The following TXNDC15 variants were observed in gnomAD, a reference collection of about 807,000 sequenced individuals.
TXNDC15 encodes the protein thioredoxin domain containing 15.
Under a neutral mutation model 35.0 loss-of-function variants are expected in TXNDC15, and 24 were observed. The ratio of observed to expected loss-of-function variants is 0.68; its 90% CI spans 0.50 to 0.96. The LOEUF is 0.96. Among genes scored for constraint, TXNDC15 ranks in the 40% least tolerant of loss-of-function variants. TXNDC15 has a pLI of 0.00. For synonymous variants in TXNDC15, 169 were observed against 174.0 expected (o/e 0.97, Z 0.23); for missense variants, 385 against 453.3 (o/e 0.85, Z 1.37).
At chr5:134,894,122 CCTT>C (rs1750442275) in intron 3 of TXNDC15, among the ~76,000 whole-genome samples, 1 of 151,988 alleles carries the variant, frequency 6.6e-6, no homozygotes, top group Admixed American at 6.6e-5. Context: ...TTCCCTCTTT[CCTT>C]CTTTCTTTCC....
chr5:134,874,545 G>T lies in TXNDC15; in HGVS notation c.103+15G>T. 1 of 1,590,120 alleles carries T rather than the reference G, an allele frequency of 6.3e-7. No individual in the cohort carries two copies. ...CGGCGTGGAGGGTGAGTGTGGGCCG[G>T]GGGCGGTGCATGAGATGATGGGGCG... On this transcript the variant is annotated intron_variant, in intron 1 of 4. Coordinates refer to ENST00000358387, the MANE Select transcript of TXNDC15 (RefSeq NM_024715.4).
At chr5:134,876,737 T>G (rs1750041740) in intron 1 of TXNDC15, among the ~76,000 whole-genome samples, 1 of 151,240 alleles carries the variant, frequency 6.6e-6, no homozygotes, top group Admixed American at 6.6e-5. Context: ...GAGGTGTTTT[T>G]TTTTTTTTTT....
chr5:134,887,857 A>G lies in TXNDC15; in HGVS notation c.266A>G (p.Asp89Gly). The change falls in exon 2 of 5, where the codon GAT becomes GGT. Residue 89 changes from aspartate (D) to glycine (G), a missense_variant. Transcript: ENST00000358387. Reference protein sequence around the residue: ...NAVLGLDTQGDHMVMLSVIPG... With the variant: ...NAVLGLDTQGGHMVMLSVIPG... ...GTGCTGGGGCTGGACACCCAAGGCG[A>G]TCACATGGTGATGCTGTCTGTGATT... The G allele has an allele frequency of 6.2e-7, 1 of 1,614,216 alleles. No homozygotes were observed. Among genetic ancestry groups the G allele is most frequent in the Non-Finnish European group, 8.5e-7 (1 of 1,180,040 alleles).
intron 4 of TXNDC15, among the ~76,000 whole-genome samples, chr5:134,898,390 T>C (rs1320274957): frequency 1.3e-5 from 2 of 152,228 alleles, no homozygotes; most frequent in African/African-American, 4.8e-5. Context: ...TTGAAAAAAT[T>C]ACCTCCATTG....
At chr5:134,879,291 T>C (rs1750096189) in intron 1 of TXNDC15, among the ~76,000 whole-genome samples, 1 of 152,264 alleles carries the variant, frequency 6.6e-6, no homozygotes, top group South Asian at 2.1e-4. Context: ...TATCTGAGGG[T>C]CATCAGAGAG....
chr5:134,883,622 AG>A (rs1304032744), intron 1 of TXNDC15, among the ~76,000 whole-genome samples: 1 of 149,176 alleles, frequency 6.7e-6, no homozygotes, highest in Admixed American at 6.7e-5. Context: ...GAAAAGAAAA[AG>A]GCTAGGCCTG....
intron 2 of TXNDC15, 125 bp from the exon 3 acceptor site, chr5:134,893,367 C>G (rs2150189512): frequency 8.7e-7 from 1 of 1,144,300 alleles, no homozygotes; most frequent in South Asian, 1.5e-5. Flanking sequence ...CCGAGGGTTC[C>G]TTCTCTCGCT....
chr5:134,893,783 G>A (rs1181757587), intron 3 of TXNDC15, 128 bp downstream of exon 3: 4 of 1,236,640 alleles, frequency 3.2e-6, no homozygotes, highest in Non-Finnish European at 4.6e-6. Flanking sequence ...TGGAAGGCAA[G>A]GCAAGAGTGA....
At position 134,888,086 on chromosome 5, in the gene TXNDC15, T is replaced by C. The variant is rs1031381250; in HGVS notation, c.495T>C (p.Asn165=). Residue 165 remains asparagine, a synonymous_variant, in exon 2 of 5, where the codon AAT becomes AAC. Transcript: ENST00000358387. The part of the protein sequence containing the change: ...ESDAAPTEDS[N]NTESLKSPKV... ...ACGCAGCCCCGACAGAGGACTCCAATAACACTGAAAGTCTGAAATCCCCAA... is the reference window on the plus strand; with the variant it reads ...ACGCAGCCCCGACAGAGGACTCCAACAACACTGAAAGTCTGAAATCCCCAA... The C allele has an allele frequency of 6.2e-7, 1 of 1,614,156 alleles. No homozygotes were observed. The highest frequency in any genetic ancestry group is 8.5e-7 in the Non-Finnish European group (1 of 1,180,028).
At chr5:134,875,786 C>G (rs1460706321) in intron 1 of TXNDC15, among the ~76,000 whole-genome samples, 1 of 152,144 alleles carries the variant, frequency 6.6e-6, no homozygotes, top group African/African-American at 2.4e-5. Context: ...TCTCGTGCCT[C>G]AGCCTCCTGA....
chr5:134,874,560 A>G lies in TXNDC15; in HGVS notation c.103+30A>G, dbSNP rs112311197. On this transcript the variant is annotated intron_variant, in intron 1 of 4. Transcript: ENST00000358387. ...GTGTGGGCCGGGGGCGGTGCATGAG[A>G]TGATGGGGCGAGCTGAGGTCCACCC... 4.9e-4 allele frequency: 767 copies of G among 1,556,628 alleles called. 3 individuals are homozygous for G. The African/African-American group carries it at 9.1e-3, about 19-fold the overall frequency.
chr5:134,891,367 T>A (rs915128701), intron 2 of TXNDC15, among the ~76,000 whole-genome samples: 7 of 152,230 alleles, frequency 4.6e-5, no homozygotes, highest in African/African-American at 1.7e-4. Context: ...GATGCTGTGT[T>A]AGCAGGCCTG....
At chr5:134,880,440 A>AT (rs113856964) in intron 1 of TXNDC15, among the ~76,000 whole-genome samples, 7,930 of 142,400 alleles carry the variant, frequency 0.056, 453 homozygotes, top group African/African-American at 0.15. Flanking sequence ...TTCACTTATT[A>AT]TTTTTTTTTT....
intron 1 of TXNDC15, among the ~76,000 whole-genome samples, chr5:134,886,656 G>A (rs1750281256): frequency 6.6e-6 from 1 of 152,266 alleles, no homozygotes; most frequent in Non-Finnish European, 1.5e-5. Flanking sequence ...AGCAGCCCAA[G>A]GGTGGCAGGC....
At chr5:134,882,050 G>A (rs1320640036) in intron 1 of TXNDC15, among the ~76,000 whole-genome samples, 7 of 151,348 alleles carry the variant, frequency 4.6e-5, no homozygotes, top group South Asian at 2.1e-4. Flanking sequence ...CTTCTCAGAC[G>A]GGGTGGCTGC....
intron 4 of TXNDC15, among the ~76,000 whole-genome samples, chr5:134,897,671 T>A (rs1008311719): frequency 7.9e-5 from 12 of 152,214 alleles, no homozygotes; most frequent in African/African-American, 2.9e-4. Context: ...AAGTCATGAG[T>A]GTACAGGGTG....
intron 1 of TXNDC15, among the ~76,000 whole-genome samples, chr5:134,885,378 C>T (rs1750256032): frequency 6.6e-6 from 1 of 152,242 alleles, no homozygotes; most frequent in African/African-American, 2.4e-5. Context: ...ATACTCTACT[C>T]AATACCCTGT....
chr5:134,896,633 T>C (rs917913880), intron 4 of TXNDC15, among the ~76,000 whole-genome samples: 1 of 151,520 alleles, frequency 6.6e-6, no homozygotes, highest in Non-Finnish European at 1.5e-5. Flanking sequence ...TTAATTATTA[T>C]AGATACTTTT....
At chr5:134,881,171 TTTTATTTA>T (rs55798762) in intron 1 of TXNDC15, among the ~76,000 whole-genome samples, 23 of 124,308 alleles carry the variant, frequency 1.9e-4, no homozygotes, top group South Asian at 7.8e-4. Context: ...GATAGGTTCT[TTTTATTTA>T]TTTATTTATT....
Sources: allele counts gnomAD v4.1 joint callset (sites outside exome capture counted in the v4.1 genomes callset), GRCh38; gene constraint gnomAD v4.1.1; transcripts MANE v1.5; gene names NCBI Gene and HGNC (gene_info 2026-07-23, HGNC 2026-07-21).